Variants in ANKRD44 observed in about 807,000 individuals in gnomAD.
The protein encoded by ANKRD44 is serine/threonine-protein phosphatase 6 regulatory ankyrin repeat subunit B.
ANKRD44 carries 35 observed loss-of-function variants against 116.0 expected under a neutral mutation model. That is an observed-to-expected ratio of 0.30 (90% confidence interval 0.23 to 0.40). The LOEUF (loss-of-function observed/expected upper bound fraction) is 0.40. Ranked by LOEUF, ANKRD44 falls within the 10% of genes least tolerant of loss-of-function variation. The probability of loss-of-function intolerance (pLI) is 1.00; values close to 1 mark genes in which losing one functional copy is unlikely to be tolerated. For synonymous variants in ANKRD44, 435 were observed against 461.8 expected, an observed-to-expected ratio of 0.94 and a Z score of 0.74; for missense variants, 1,014 against 1,242.6, an observed-to-expected ratio of 0.82 and a Z score of 2.77.
At chr2:196,998,283 A>G in intron 25 of ANKRD44, 54 bp downstream of exon 25, 2 of 1,312,726 alleles carry the variant, frequency 1.5e-6, no homozygotes, top group South Asian at 1.2e-5. Context: ...CAGTGTTATT[A>G]TTACTGTTAT....
chr2:196,988,392 G>T lies in ANKRD44; in HGVS notation c.*1199C>A. ...AAAAATTCATCTTCTCTAAACAAAC[G>T]AAAAGGACAGAAGGTGGGAAGCACA... On this transcript the variant is annotated 3_prime_UTR_variant, in exon 28 of 28. Transcript: ENST00000282272. 6 of 985,258 alleles carry T rather than the reference G, an allele frequency of 6.1e-6. No individual in the cohort carries two copies. The highest frequency in any genetic ancestry group is 7.2e-6 in the Non-Finnish European group (6 of 829,880). The allele number at this position is 985,258 out of a possible 1,614,324, so 61.0% of individuals were successfully genotyped here.
chr2:197,299,525 T>C (rs1291419726), intron 1 of ANKRD44: 1 of 152,194 alleles, frequency 6.6e-6, no homozygotes. Flanking sequence ...AATAATGGCA[T>C]TTGCAGCAAC....
intron 3 of ANKRD44, among the ~76,000 whole-genome samples, chr2:197,146,644 A>G (rs1419837661): frequency 2.0e-5 from 3 of 152,098 alleles, no homozygotes; most frequent in African/African-American, 7.2e-5. Flanking sequence ...TATACTCACT[A>G]TACATAGTGT....
chr2:196,973,952 C>A (rs1310904305), intron 21 of ANKRD44, among the ~76,000 whole-genome samples: 1 of 152,024 alleles, frequency 6.6e-6, no homozygotes, highest in Non-Finnish European at 1.5e-5. Context: ...TTGAAATAAG[C>A]CTTGATAAAC....
chr2:197,268,933 G>A lies in ANKRD44; in HGVS notation c.27+41645C>T, dbSNP rs12328575. ...CTAATCTGTGTGTTGATTGCTCAGCGTTCTTAAATCAGGATGTATCTCGTG... is the reference window on the plus strand; with the variant it reads ...CTAATCTGTGTGTTGATTGCTCAGCATTCTTAAATCAGGATGTATCTCGTG... On this transcript the variant is annotated intron_variant, in intron 1 of 27. Transcript: ENST00000282272. Among the ~76,000 whole-genome samples, 400 of 152,194 alleles carry A rather than the reference G, an allele frequency of 2.6e-3. 1 individual carries two copies. The highest frequency in any genetic ancestry group is 9.2e-3 in the African/African-American group (380 of 41,512).
intron 1 of ANKRD44, among the ~76,000 whole-genome samples, chr2:197,245,284 A>G (rs1044008648): frequency 6.6e-6 from 1 of 152,170 alleles, no homozygotes; most frequent in Non-Finnish European, 1.5e-5. Flanking sequence ...TACAAATAAA[A>G]AGATATAGTA....
At chr2:196,998,508 T>C in intron 24 of ANKRD44, 89 bp from the exon 25 acceptor site, 1 of 904,382 alleles carries the variant, frequency 1.1e-6, no homozygotes, top group Non-Finnish European at 1.8e-6. Context: ...ATAACATATT[T>C]AAATTAGTAC....
intron 16 of ANKRD44, among the ~76,000 whole-genome samples, chr2:197,057,786 G>T (rs1363657048): frequency 1.3e-5 from 2 of 152,236 alleles, no homozygotes; most frequent in African/African-American, 2.4e-5. Flanking sequence ...TGAATCCAGG[G>T]TTCAAAGGCT....
chr2:197,177,863 A>G (rs756133046), intron 2 of ANKRD44, among the ~76,000 whole-genome samples: 2 of 152,236 alleles, frequency 1.3e-5, no homozygotes, highest in Non-Finnish European at 2.9e-5. Flanking sequence ...TGTAATAAAT[A>G]CATATGCAGA....
intron 1 of ANKRD44, among the ~76,000 whole-genome samples, chr2:197,202,057 A>G (rs1419374852): frequency 1.3e-5 from 2 of 152,264 alleles, no homozygotes; most frequent in Non-Finnish European, 2.9e-5. Flanking sequence ...ACCCAGGGAT[A>G]GAAGTGGACT....
Position 197,005,740 on chromosome 2 carries a change from G to C in ANKRD44, c.2301C>G (p.Phe767Leu). Reference protein sequence around the residue: ...QMALSEEDCCFKDNQGYTPLH... With the variant: ...QMALSEEDCCLKDNQGYTPLH... ...GCGGCGTGTAGCCTTGGTTATCTTT[G>C]AAACAACAGTCCTCCTCAGAAAGAG... is the stretch of plus-strand genomic sequence containing the variant. Residue 767 changes from phenylalanine (F) to leucine (L), a missense_variant, in exon 21 of 28, where the codon TTC (phenylalanine) becomes TTG (leucine). Coordinates refer to ENST00000282272, the MANE Select transcript of ANKRD44 (RefSeq NM_001195144.2). 1.9e-6 allele frequency: 3 copies of C among 1,614,142 alleles called. No homozygotes were observed. The highest frequency in any genetic ancestry group is 2.5e-6 in the Non-Finnish European group (3 of 1,180,000).
chr2:197,043,128 C>T (rs549382570), intron 16 of ANKRD44, among the ~76,000 whole-genome samples: 1 of 152,302 alleles, frequency 6.6e-6, no homozygotes, highest in Non-Finnish European at 1.5e-5. Context: ...TCACTGTTTG[C>T]TGATAGCTTC....
At chr2:197,233,093 G>A (rs759994367) in intron 1 of ANKRD44, among the ~76,000 whole-genome samples, 6 of 152,158 alleles carry the variant, frequency 3.9e-5, no homozygotes, top group Non-Finnish European at 5.9e-5. Flanking sequence ...GCACACCCTC[G>A]TGCTGGGTAG....
At chr2:197,087,929 A>G (rs548026428) in intron 12 of ANKRD44, among the ~76,000 whole-genome samples, 1 of 152,344 alleles carries the variant, frequency 6.6e-6, no homozygotes, top group East Asian at 1.9e-4. Flanking sequence ...GTAAATAAGG[A>G]GCCCTAAAGT....
At chr2:197,170,076 G>C (rs541665904) in intron 2 of ANKRD44, among the ~76,000 whole-genome samples, 1 of 151,846 alleles carries the variant, frequency 6.6e-6, no homozygotes, top group East Asian at 1.9e-4. Flanking sequence ...TGTAGTCCCA[G>C]CTACCTGGGG....
chr2:197,024,735 C>T (rs970523376), intron 17 of ANKRD44, among the ~76,000 whole-genome samples: 4 of 152,204 alleles, frequency 2.6e-5, no homozygotes, highest in Non-Finnish European at 1.5e-5. Flanking sequence ...GCAGCTGCAG[C>T]TCTGCATGTG....
At chr2:196,970,502 A>G (rs1357491912) in intron 21 of ANKRD44, among the ~76,000 whole-genome samples, 2 of 152,100 alleles carry the variant, frequency 1.3e-5, no homozygotes, top group Admixed American at 6.5e-5. Flanking sequence ...AGCATCTCCA[A>G]GTTTTCTTCA....
chr2:197,072,240 G>T (rs1459569073), intron 16 of ANKRD44, among the ~76,000 whole-genome samples: 1 of 152,150 alleles, frequency 6.6e-6, no homozygotes, highest in East Asian at 1.9e-4. Flanking sequence ...GTCCTTAGAA[G>T]TTTCCACATC....
intron 10 of ANKRD44, among the ~76,000 whole-genome samples, chr2:197,098,246 T>C (rs2078208643): frequency 8.5e-6 from 1 of 117,038 alleles, no homozygotes; most frequent in South Asian, 3.4e-4. Context: ...TGGGAGGTGT[T>C]TGGAACCCAG....
Sources: allele counts gnomAD v4.1 joint callset (sites outside exome capture counted in the v4.1 genomes callset), GRCh38; gene constraint gnomAD v4.1.1; transcripts MANE v1.5; gene names NCBI Gene and HGNC (gene_info 2026-07-23, HGNC 2026-07-21).